CGGBP1: variants seen among roughly 807,000 people sequenced by gnomAD.
CGGBP1 encodes CGG triplet repeat-binding protein 1.
In CGGBP1, 4 loss-of-function variants were observed where a neutral mutation model predicts 11.4. The ratio of observed to expected loss-of-function variants is 0.35; its 90% CI spans 0.17 to 0.80. CGGBP1 has a LOEUF of 0.80. CGGBP1 is among the 30% of genes least tolerant of loss of function. The probability of loss-of-function intolerance (pLI) is 0.52; values close to 1 mark genes in which losing one functional copy is unlikely to be tolerated. For missense variants in CGGBP1, 135 were observed against 202.1 expected, an observed-to-expected ratio of 0.67 and a Z score of 2.01; for synonymous variants, 76 against 74.1, an observed-to-expected ratio of 1.03 and a Z score of -0.13.
At position 88,095,565 on chromosome 3, in the gene CGGBP1, T is replaced by C. The variant is rs965355258; in HGVS notation, c.-228-37342A>G. 4.0e-5 allele frequency: 21 copies of C among 519,782 alleles called. No individual in the cohort carries two copies. The African/African-American group carries it at 4.1e-4, about 10-fold the overall frequency. 32.2% of individuals were successfully genotyped at this position (519,782 alleles called of 1,614,324 possible). A position where few individuals can be genotyped will look rare whatever the true frequency, so the allele number is the denominator to read the frequency against. ...TGCTTCATCTGTCTTTCCATTTCAT[T>C]AAAAACATAAATTGCCACAGGAATC... On this transcript the variant is annotated intron_variant, in intron 2 of 3. Transcript: ENST00000462901.
intron 2 of CGGBP1, among the ~76,000 whole-genome samples, chr3:88,070,536 G>C (rs780559158): frequency 1.1e-3 from 156 of 143,230 alleles, no homozygotes; most frequent in Non-Finnish European, 1.8e-3. Flanking sequence ...TTTGCTATAC[G>C]CCACTGTGGC....
chr3:88,129,037 A>ATTAC (rs999256088), intron 2 of CGGBP1: 2 of 1,493,000 alleles, frequency 1.3e-6, no homozygotes, highest in African/African-American at 2.8e-5. Flanking sequence ...ATTTTTGCCT[A>ATTAC]TTACCATTTT....
At chr3:88,115,261 G>C (rs1029227013) in intron 2 of CGGBP1, among the ~76,000 whole-genome samples, 1 of 152,138 alleles carries the variant, frequency 6.6e-6, no homozygotes, top group Non-Finnish European at 1.5e-5. Flanking sequence ...TTCTTTGTTG[G>C]ATTTGAGTTA....
At chr3:88,142,501 A>G (rs1247705278) in intron 1 of CGGBP1, 3 of 152,400 alleles carry the variant, frequency 2.0e-5, no homozygotes, top group Non-Finnish European at 2.9e-5. Context: ...AAATTATTCA[A>G]TGTGAATAAT....
upstream of CGGBP1, among the ~76,000 whole-genome samples, chr3:88,063,213 A>C (rs1404687466): frequency 6.6e-6 from 1 of 152,124 alleles, no homozygotes; most frequent in African/African-American, 2.4e-5. Context: ...TCTAACAACA[A>C]AGAATTATCT....
intron 2 of CGGBP1, among the ~76,000 whole-genome samples, chr3:88,065,821 GGCTAAA>G (rs1479948494): frequency 6.6e-6 from 1 of 152,046 alleles, no homozygotes; most frequent in Non-Finnish European, 1.5e-5. Flanking sequence ...CCCTGTCCGG[GGCTAAA>G]GCGCTTCTCA....
At chr3:88,116,105 A>G (rs1705373182) in intron 2 of CGGBP1, among the ~76,000 whole-genome samples, 1 of 152,108 alleles carries the variant, frequency 6.6e-6, no homozygotes. Context: ...AGGAAATAGC[A>G]GGTGGTAGGG....
At chr3:88,104,036 C>T (rs1376595986) in intron 2 of CGGBP1, among the ~76,000 whole-genome samples, 3 of 151,824 alleles carry the variant, frequency 2.0e-5, no homozygotes, top group Non-Finnish European at 2.9e-5. Context: ...GATTACAGGC[C>T]ATGAGCCACC....
At chr3:88,133,874 G>T (rs1706610013) in intron 2 of CGGBP1, among the ~76,000 whole-genome samples, 1 of 152,116 alleles carries the variant, frequency 6.6e-6, no homozygotes, top group South Asian at 2.1e-4. Flanking sequence ...TAAAGACACT[G>T]CAAGATAAAC....
At chr3:88,139,586 A>G (rs1424040280) in intron 2 of CGGBP1, 1 of 1,613,772 alleles carries the variant, frequency 6.2e-7, no homozygotes, top group Admixed American at 1.7e-5. Context: ...AGGATTTGGA[A>G]GTGGAGACAC....
intron 2 of CGGBP1, among the ~76,000 whole-genome samples, chr3:88,075,582 C>A (rs1707753261): frequency 6.6e-6 from 1 of 152,154 alleles, no homozygotes; most frequent in South Asian, 2.1e-4. Context: ...CTTTGCTCTG[C>A]TTTTAATTAT....
intron 1 of CGGBP1, chr3:88,144,355 T>C (rs1177685264): frequency 2.0e-5 from 3 of 152,402 alleles, no homozygotes; most frequent in Non-Finnish European, 4.4e-5. Flanking sequence ...GTTGTATGGA[T>C]GAAAAACCTA....
At chr3:88,111,817 A>G (rs1255263286) in intron 2 of CGGBP1, among the ~76,000 whole-genome samples, 2 of 151,984 alleles carry the variant, frequency 1.3e-5, no homozygotes, top group East Asian at 1.9e-4. Context: ...CTATACACCA[A>G]AGCCATCATA....
intron 2 of CGGBP1, among the ~76,000 whole-genome samples, chr3:88,075,723 C>T (rs562575457): frequency 6.6e-6 from 1 of 152,228 alleles, no homozygotes; most frequent in South Asian, 2.1e-4. Flanking sequence ...TACATTTGAG[C>T]CTGTTATTAA....
At chr3:88,114,207 T>G (rs1705256783) in intron 2 of CGGBP1, among the ~76,000 whole-genome samples, 1 of 152,056 alleles carries the variant, frequency 6.6e-6, no homozygotes, top group South Asian at 2.1e-4. Context: ...GACAGATTCC[T>G]TAGAGAAAAA....
intron 2 of CGGBP1, among the ~76,000 whole-genome samples, chr3:88,080,143 G>C (rs1388738108): frequency 2.0e-5 from 3 of 152,032 alleles, no homozygotes; most frequent in Non-Finnish European, 4.4e-5. Context: ...CTGTATGTAG[G>C]ATATGCATTG....
At chr3:88,122,611 A>T (rs1705835560) in intron 2 of CGGBP1, among the ~76,000 whole-genome samples, 1 of 152,234 alleles carries the variant, frequency 6.6e-6, no homozygotes, top group South Asian at 2.1e-4. Context: ...GATTATATTT[A>T]GCACAGTGTA....
chr3:88,129,674 TTTCCTC>T, intron 2 of CGGBP1: 1 of 1,438,482 alleles, frequency 7.0e-7, no homozygotes, highest in Non-Finnish European at 9.2e-7. Context: ...TGATTTCTCT[TTTCCTC>T]TTACAGCATT....
At chr3:88,078,990 G>A (rs1707950237) in intron 2 of CGGBP1, among the ~76,000 whole-genome samples, 1 of 152,058 alleles carries the variant, frequency 6.6e-6, no homozygotes, top group Non-Finnish European at 1.5e-5. Context: ...AAAAGCTAAT[G>A]TATTGGCTAA....
Sources: allele counts gnomAD v4.1 joint callset (sites outside exome capture counted in the v4.1 genomes callset), GRCh38; gene constraint gnomAD v4.1.1; transcripts MANE v1.5; gene names NCBI Gene and HGNC (gene_info 2026-07-23, HGNC 2026-07-21).